The following CSMD1 variants were observed in gnomAD, a reference collection of about 807,000 sequenced individuals.
CSMD1 encodes CUB and Sushi multiple domains 1.
A neutral mutation model predicts 417.5 loss-of-function variants in CSMD1; 213 were observed. The ratio of observed to expected loss-of-function variants is 0.51; its 90% CI spans 0.46 to 0.57. The LOEUF (loss-of-function observed/expected upper bound fraction) is 0.57. Among genes scored for constraint, CSMD1 ranks in the 20% least tolerant of loss-of-function variants. The pLI is 0.00. For missense variants in CSMD1, 6,923 were observed against 4,529.7 expected, an observed-to-expected ratio of 1.53 and a Z score of -15.17; for synonymous variants, 2,862 against 1,736.8, an observed-to-expected ratio of 1.65 and a Z score of -16.11.
At chr8:4,241,453 T>A (rs1012570027) in intron 3 of CSMD1, among the ~76,000 whole-genome samples, 3 of 152,188 alleles carry the variant, frequency 2.0e-5, no homozygotes, top group African/African-American at 7.2e-5. Flanking sequence ...AGTCACTACA[T>A]CTCCAACTGC....
At chr8:4,365,210 A>AT (rs1304667996) in intron 3 of CSMD1, among the ~76,000 whole-genome samples, 1 of 152,198 alleles carries the variant, frequency 6.6e-6, no homozygotes, top group African/African-American at 2.4e-5. Context: ...TTGTCTATAT[A>AT]TAAAAAAAGA....
intron 41 of CSMD1, among the ~76,000 whole-genome samples, chr8:3,133,124 C>T (rs758801031): frequency 7.2e-5 from 11 of 152,238 alleles, no homozygotes; most frequent in Non-Finnish European, 1.5e-4. Context: ...TCACCCACTG[C>T]AGCGTGGGCC....
At chr8:4,383,682 T>C (rs1803252773) in intron 3 of CSMD1, among the ~76,000 whole-genome samples, 1 of 152,026 alleles carries the variant, frequency 6.6e-6, no homozygotes, top group Non-Finnish European at 1.5e-5. Flanking sequence ...GAAACCAAAA[T>C]ATTACAGTGT....
intron 3 of CSMD1, among the ~76,000 whole-genome samples, chr8:4,339,701 G>C (rs1351185226): frequency 6.6e-6 from 1 of 152,108 alleles, no homozygotes; most frequent in African/African-American, 2.4e-5. Flanking sequence ...GTTTGAGTGA[G>C]TGAGAAGAAA....
chr8:4,684,207 G>C (rs17418285), intron 1 of CSMD1, among the ~76,000 whole-genome samples: 4,202 of 152,320 alleles, frequency 0.028, 70 homozygotes, highest in Non-Finnish European at 0.042. Flanking sequence ...AAGGACACGA[G>C]AAGTTCAGTG....
intron 40 of CSMD1, 170 bp downstream of exon 40, chr8:3,151,227 A>C: frequency 1.9e-6 from 1 of 521,176 alleles, no homozygotes; most frequent in Non-Finnish European, 3.4e-6. Context: ...TTTTCAAATA[A>C]GTTTTCCACT....
intron 52 of CSMD1, among the ~76,000 whole-genome samples, chr8:3,014,526 C>A (rs1049466887): frequency 6.6e-6 from 1 of 152,122 alleles, no homozygotes; most frequent in African/African-American, 2.4e-5. Flanking sequence ...GATTTTTAGT[C>A]CCCTCAGCTG....
At chr8:3,900,578 G>C (rs946522634) in intron 5 of CSMD1, among the ~76,000 whole-genome samples, 12 of 151,960 alleles carry the variant, frequency 7.9e-5, no homozygotes, top group African/African-American at 9.7e-5. Context: ...ACTGTAGCTG[G>C]ATGACACTCT....
At chr8:4,033,883 G>A (rs1466265056) in intron 3 of CSMD1, among the ~76,000 whole-genome samples, 4 of 152,148 alleles carry the variant, frequency 2.6e-5, no homozygotes, top group Non-Finnish European at 2.9e-5. Flanking sequence ...TTGAATGGAT[G>A]AAATTCATCA....
intron 23 of CSMD1, among the ~76,000 whole-genome samples, chr8:3,324,790 T>G (rs1023019245): frequency 9.8e-5 from 15 of 152,334 alleles, no homozygotes; most frequent in African/African-American, 2.6e-4. Context: ...ACGGTGAGTG[T>G]TCAATCTTGG....
chr8:4,092,904 G>GT (rs534577717), intron 3 of CSMD1, among the ~76,000 whole-genome samples: 93 of 151,914 alleles, frequency 6.1e-4, no homozygotes, highest in East Asian at 3.5e-3. Context: ...CAAAACACAA[G>GT]TTTTTTTTAA....
rs561038072 is a variant in CSMD1 at position 3,846,402 on chromosome 8, A to C, written c.819-92360T>G. ...CATGACTCTACATGTGAAATAGATA[A>C]ACATATGTAAGTTTTGATTAGCCCC... On this transcript the variant is annotated intron_variant, in intron 5 of 69. Transcript: ENST00000635120. 2.6e-3 allele frequency among the ~76,000 whole-genome samples: 392 copies of C among 152,288 alleles called. 1 individual carries two copies. The highest frequency in any genetic ancestry group is 6.8e-3 in the Middle Eastern group (2 of 294).
intron 1 of CSMD1, among the ~76,000 whole-genome samples, chr8:4,648,142 T>A (rs1300766571): frequency 6.6e-6 from 1 of 152,256 alleles, no homozygotes; most frequent in Non-Finnish European, 1.5e-5. Flanking sequence ...ACTGTGGTTT[T>A]GATTTGCGTT....
intron 3 of CSMD1, among the ~76,000 whole-genome samples, chr8:4,234,002 C>T (rs1171796482): frequency 6.6e-6 from 1 of 152,032 alleles, no homozygotes; most frequent in Non-Finnish European, 1.5e-5. Flanking sequence ...ATCCCTTCTG[C>T]CTGAGAGGTT....
chr8:3,596,856 A>G (rs936765614), intron 8 of CSMD1, among the ~76,000 whole-genome samples: 1 of 152,186 alleles, frequency 6.6e-6, no homozygotes, highest in African/African-American at 2.4e-5. Context: ...CAAGACACTA[A>G]AAGATGTGAA....
intron 6 of CSMD1, among the ~76,000 whole-genome samples, chr8:3,745,785 G>C (rs371893679): frequency 6.6e-6 from 1 of 152,174 alleles, no homozygotes; most frequent in Non-Finnish European, 1.5e-5. Flanking sequence ...ATCATTAAGA[G>C]AACAAGCAAT....
At chr8:4,518,566 T>C (rs1222715897) in intron 2 of CSMD1, among the ~76,000 whole-genome samples, 3 of 135,138 alleles carry the variant, frequency 2.2e-5, no homozygotes, top group South Asian at 2.4e-4. Context: ...AATTGAACAG[T>C]GAGAACACAT....
intron 12 of CSMD1, among the ~76,000 whole-genome samples, chr8:3,454,194 G>A (rs1047814243): frequency 2.0e-5 from 3 of 152,002 alleles, no homozygotes; most frequent in East Asian, 3.9e-4. Flanking sequence ...TTTATTTTGA[G>A]CCTATGTGTG....
At chr8:3,712,916 G>C (rs1014711537) in intron 6 of CSMD1, among the ~76,000 whole-genome samples, 11 of 152,120 alleles carry the variant, frequency 7.2e-5, no homozygotes, top group African/African-American at 1.2e-4. Flanking sequence ...ATAAGTTCAA[G>C]AGATCCCTGA....
Sources: gnomAD v4.1 joint callset for allele counts (sites outside exome capture counted in the v4.1 genomes callset) on GRCh38, gnomAD v4.1.1 for gene constraint, MANE v1.5 for transcripts, NCBI Gene and HGNC (gene_info 2026-07-23, HGNC 2026-07-21) for gene names.